The following RALYL variants were observed in gnomAD, a reference collection of about 807,000 sequenced individuals.
RALYL encodes RNA-binding Raly-like protein.
Under a neutral mutation model 35.1 loss-of-function variants are expected in RALYL, and 29 were observed. That is an observed-to-expected ratio of 0.83 (90% CI 0.61 to 1.13). RALYL has a LOEUF of 1.13. RALYL is among the 50% of genes most tolerant of loss of function. RALYL has a pLI of 0.00. For synonymous variants in RALYL, 120 were observed against 127.6 expected, an observed-to-expected ratio of 0.94 and a Z score of 0.40; for missense variants, 359 against 360.4, an observed-to-expected ratio of 1.00 and a Z score of 0.03.
chr8:84,198,543 CAT>C (rs1362167587), intron 1 of RALYL, among the ~76,000 whole-genome samples: 5 of 152,212 alleles, frequency 3.3e-5, no homozygotes, highest in African/African-American at 7.2e-5. Flanking sequence ...ATTATTTAAA[CAT>C]GTGCAATTAA....
chr8:84,903,893 G>A (rs913147496), intron 8 of RALYL, among the ~76,000 whole-genome samples: 7 of 152,100 alleles, frequency 4.6e-5, no homozygotes, highest in African/African-American at 1.7e-4. Context: ...CTAGATATGT[G>A]TTTTGCCCTT....
chr8:84,601,248 G>A (rs1255181011), intron 2 of RALYL, among the ~76,000 whole-genome samples: 1 of 152,090 alleles, frequency 6.6e-6, no homozygotes, highest in Non-Finnish European at 1.5e-5. Flanking sequence ...TTAGAAGGGA[G>A]GAGATGAGAT....
intron 1 of RALYL, among the ~76,000 whole-genome samples, chr8:84,325,413 A>G (rs1405342445): frequency 6.6e-6 from 1 of 152,178 alleles, no homozygotes; most frequent in Non-Finnish European, 1.5e-5. Flanking sequence ...TGCCAAACTC[A>G]GTTTCCTGAT....
chr8:84,792,419 C>A (rs886924605), intron 3 of RALYL, among the ~76,000 whole-genome samples: 1 of 152,176 alleles, frequency 6.6e-6, no homozygotes, highest in Non-Finnish European at 1.5e-5. Context: ...TCTGCTGCAC[C>A]GTTCTGCCTT....
chr8:84,544,095 G>C (rs374222280), intron 2 of RALYL, among the ~76,000 whole-genome samples: 2 of 151,926 alleles, frequency 1.3e-5, no homozygotes, highest in Admixed American at 1.3e-4. Flanking sequence ...ATTCTGTTAG[G>C]TAAGAACAAC....
chr8:84,467,393 G>A lies in RALYL; in HGVS notation c.-23-61906G>A, dbSNP rs1327846425. ...ACATCTTTATTTCTGCCTTCATTTC[G>A]TTATGTACCCAGTAGTCATTCAGGA... On this transcript the variant is annotated intron_variant, in intron 1 of 8. Transcript: ENST00000521268. Among the ~76,000 whole-genome samples the A allele has an allele frequency of 1.7e-3, 265 of 151,782 alleles. 1 individual carries two copies. The highest frequency in any genetic ancestry group is 3.5e-4 in the Non-Finnish European group (24 of 67,938).
intron 2 of RALYL, among the ~76,000 whole-genome samples, chr8:84,542,752 A>G (rs1033355425): frequency 1.3e-5 from 2 of 152,182 alleles, no homozygotes; most frequent in African/African-American, 4.8e-5. Context: ...GCAGCATGAG[A>G]ATGGACTAAT....
intron 1 of RALYL, among the ~76,000 whole-genome samples, chr8:84,468,599 G>A (rs1427352197): frequency 5.4e-5 from 8 of 147,418 alleles, no homozygotes; most frequent in Non-Finnish European, 1.5e-5. Context: ...TTTCAACTTT[G>A]GTGAATCTGA....
intron 4 of RALYL, among the ~76,000 whole-genome samples, chr8:84,818,850 C>T (rs1056903161): frequency 1.3e-5 from 2 of 152,098 alleles, no homozygotes; most frequent in Non-Finnish European, 1.5e-5. Flanking sequence ...TTAAGAATGT[C>T]GAAATCAGTG....
At chr8:84,224,069 T>G (rs999523640) in intron 1 of RALYL, among the ~76,000 whole-genome samples, 1 of 152,160 alleles carries the variant, frequency 6.6e-6, no homozygotes, top group African/African-American at 2.4e-5. Context: ...TCCTTCTGTT[T>G]CTCTAATACC....
At chr8:84,889,902 T>C (rs1271885542) in intron 8 of RALYL, among the ~76,000 whole-genome samples, 1 of 152,128 alleles carries the variant, frequency 6.6e-6, no homozygotes, top group East Asian at 1.9e-4. Context: ...TAGTTACAAC[T>C]CCACAACAAG....
rs11400271 is a variant in RALYL, at chr8:84,354,065, A to ATT, written c.-24+169652_-24+169653dup. ...GGGAATCACTATTTTTAAAAAATAGATTTTTTTTTTTTCACACAGCCCTTT... is the reference window on the plus strand; with the variant it reads ...GGGAATCACTATTTTTAAAAAATAGATTTTTTTTTTTTTTCACACAGCCCTTT... On this transcript the variant is annotated intron_variant, in intron 1 of 8. Coordinates refer to ENST00000521268, the MANE Select transcript of RALYL (RefSeq NM_173848.7). 1.4e-3 allele frequency among the ~76,000 whole-genome samples: 202 copies of ATT among 144,582 alleles called. 6 individuals are homozygous for ATT. Among genetic ancestry groups the ATT allele is most frequent in the Admixed American group, 4.0e-3 (59 of 14,608 alleles). The allele number at this position is 144,582 out of a possible 152,430, so 94.9% of individuals were successfully genotyped here.
chr8:84,571,342 G>C (rs994918172), intron 2 of RALYL, among the ~76,000 whole-genome samples: 1 of 151,644 alleles, frequency 6.6e-6, no homozygotes, highest in Admixed American at 6.6e-5. Context: ...TTCAATCTTG[G>C]CTGGTTGTAA....
intron 1 of RALYL, among the ~76,000 whole-genome samples, chr8:84,486,009 C>CTTTTTT (rs3043836): frequency 2.9e-5 from 3 of 104,946 alleles, no homozygotes; most frequent in African/African-American, 7.0e-5. Context: ...AAATCAAAAG[C>CTTTTTT]TTTTTTTTTT....
intron 2 of RALYL, among the ~76,000 whole-genome samples, chr8:84,537,007 A>G (rs1474931648): frequency 6.6e-6 from 1 of 152,022 alleles, no homozygotes; most frequent in Admixed American, 6.6e-5. Flanking sequence ...TTTTCCTACC[A>G]TATTTTATGT....
intron 2 of RALYL, among the ~76,000 whole-genome samples, chr8:84,607,243 A>G (rs982958886): frequency 6.6e-6 from 1 of 151,976 alleles, no homozygotes; most frequent in African/African-American, 2.4e-5. Context: ...TACATATCAC[A>G]TTCTTACAGA....
At chr8:84,330,310 G>A (rs1450872154) in intron 1 of RALYL, among the ~76,000 whole-genome samples, 1 of 151,956 alleles carries the variant, frequency 6.6e-6, no homozygotes, top group Non-Finnish European at 1.5e-5. Flanking sequence ...TTCTGAAGGA[G>A]TGTTTGACAA....
At chr8:84,713,809 A>G (rs1323803854) in intron 2 of RALYL, among the ~76,000 whole-genome samples, 1 of 151,456 alleles carries the variant, frequency 6.6e-6, no homozygotes. Context: ...ATTACTCACA[A>G]AAGTCAAGAT....
intron 1 of RALYL, among the ~76,000 whole-genome samples, chr8:84,373,950 T>C (rs1484071470): frequency 6.6e-6 from 1 of 152,026 alleles, no homozygotes; most frequent in Non-Finnish European, 1.5e-5. Flanking sequence ...ATCCTAGCTG[T>C]TTTATTCTTT....
Sources: allele counts gnomAD v4.1 joint callset (sites outside exome capture counted in the v4.1 genomes callset), GRCh38; gene constraint gnomAD v4.1.1; transcripts MANE v1.5; gene names NCBI Gene and HGNC (gene_info 2026-07-23, HGNC 2026-07-21).